Variants in CDK19 observed in about 807,000 individuals in gnomAD.
The protein encoded by CDK19 is cyclin-dependent kinase 19.
In CDK19, 20 loss-of-function variants were observed where a neutral mutation model predicts 68.3. The observed-to-expected ratio is 0.29, with a 90% confidence interval of 0.21 to 0.43. The LOEUF (loss-of-function observed/expected upper bound fraction) is 0.43, where lower values mean the gene tolerates loss of function less well. Ranked by LOEUF, CDK19 falls within the 20% of genes least tolerant of loss-of-function variation. The probability of loss-of-function intolerance (pLI) is 1.00; values close to 1 mark genes in which losing one functional copy is unlikely to be tolerated. For missense variants in CDK19, 339 were observed against 623.5 expected (o/e 0.54, Z 4.86); for synonymous variants, 221 against 222.8 (o/e 0.99, Z 0.07).
intron 1 of CDK19, among the ~76,000 whole-genome samples, chr6:110,757,571 T>A (rs1463337667): frequency 6.6e-6 from 1 of 152,216 alleles, no homozygotes; most frequent in Non-Finnish European, 1.5e-5. Flanking sequence ...TTTTATTTTT[T>A]AATTTTTATT....
chr6:110,758,317 G>A (rs1778969688), intron 1 of CDK19, among the ~76,000 whole-genome samples: 1 of 152,190 alleles, frequency 6.6e-6, no homozygotes, highest in African/African-American at 2.4e-5. Flanking sequence ...TAGAAGCAAG[G>A]TCAAATAGGA....
chr6:110,804,638 A>G (rs918719326), intron 1 of CDK19, among the ~76,000 whole-genome samples: 4 of 144,558 alleles, frequency 2.8e-5, no homozygotes, highest in Non-Finnish European at 4.5e-5. Flanking sequence ...GAGCCACCAC[A>G]CCCCGCCAAG....
rs919571351 is a variant in CDK19, at chr6:110,610,886, T to G, written c.*3649A>C. The G allele has an allele frequency of 4.6e-5, 7 of 152,164 alleles. No individual in the cohort carries two copies. The highest frequency in any genetic ancestry group is 1.7e-4 in the African/African-American group (7 of 41,438). 9.4% of individuals were successfully genotyped at this position (152,164 alleles called of 1,614,324 possible). ...TTTACCTTTAGCAGAGAAAACAGCATCATTTTAGAGGCATAGAGAACAAGT... is the reference window on the plus strand; with the variant it reads ...TTTACCTTTAGCAGAGAAAACAGCAGCATTTTAGAGGCATAGAGAACAAGT... On this transcript the variant is annotated 3_prime_UTR_variant, in exon 13 of 13. Transcript: ENST00000368911.
In CDK19 at chr6:110,614,337, G is replaced by T; in HGVS notation, c.*198C>A. On this transcript the variant is annotated 3_prime_UTR_variant, in exon 13 of 13. Coordinates refer to ENST00000368911, the MANE Select transcript of CDK19 (RefSeq NM_015076.5). ...ACACATGCAGGGAAGGGGTGCTGGG[G>T]AAACTTCACAAGAATCTTCTTTAAG... 2.2e-6 allele frequency: 1 copy of T among 452,918 alleles called. No individual in the cohort carries two copies. The highest frequency in any genetic ancestry group is 3.1e-5 in the East Asian group (1 of 32,300). 28.1% of individuals were successfully genotyped at this position (452,918 alleles called of 1,614,324 possible).
At chr6:110,775,061 C>T (rs1368043294) in intron 1 of CDK19, among the ~76,000 whole-genome samples, 1 of 152,098 alleles carries the variant, frequency 6.6e-6, no homozygotes, top group Non-Finnish European at 1.5e-5. Context: ...TCCTGGCCAA[C>T]ATGGTGAAAC....
chr6:110,719,327 T>A (rs113391015), intron 2 of CDK19, among the ~76,000 whole-genome samples: 5 of 152,190 alleles, frequency 3.3e-5, no homozygotes, highest in African/African-American at 1.2e-4. Flanking sequence ...CTACAAAAAA[T>A]TTTAAAAACA....
intron 2 of CDK19, among the ~76,000 whole-genome samples, chr6:110,671,028 A>G (rs1770964871): frequency 6.6e-6 from 1 of 152,190 alleles, no homozygotes; most frequent in Non-Finnish European, 1.5e-5. Context: ...AAGGAAAGAT[A>G]TTTAACAATC....
intron 1 of CDK19, among the ~76,000 whole-genome samples, chr6:110,757,402 G>C (rs1778909890): frequency 1.3e-5 from 2 of 152,256 alleles, no homozygotes; most frequent in Middle Eastern, 3.4e-3. Context: ...TAACCTAGAT[G>C]AAAAGAGACT....
At chr6:110,795,674 A>G (rs1481794463) in intron 1 of CDK19, among the ~76,000 whole-genome samples, 2 of 152,224 alleles carry the variant, frequency 1.3e-5, no homozygotes, top group African/African-American at 4.8e-5. Flanking sequence ...TATTTTAAGG[A>G]AAGAATTAGA....
intron 1 of CDK19, among the ~76,000 whole-genome samples, chr6:110,772,906 AAGAG>A (rs1431689897): frequency 7.9e-5 from 12 of 151,318 alleles, no homozygotes; most frequent in African/African-American, 2.7e-4. Context: ...AAAAAAAAAA[AAGAG>A]AGACTCATTA....
chr6:110,743,142 C>T (rs1490602282), intron 2 of CDK19, among the ~76,000 whole-genome samples: 1 of 152,018 alleles, frequency 6.6e-6, no homozygotes, highest in African/African-American at 2.4e-5. Context: ...GCTGGTTCCC[C>T]CAATAAAACA....
At chr6:110,791,117 G>A (rs1781563886) in intron 1 of CDK19, among the ~76,000 whole-genome samples, 1 of 151,540 alleles carries the variant, frequency 6.6e-6, no homozygotes, top group Non-Finnish European at 1.5e-5. Flanking sequence ...GTTGCAGTGA[G>A]CCAAGATCGC....
chr6:110,692,552 G>A (rs899349253), intron 2 of CDK19, among the ~76,000 whole-genome samples: 1 of 152,158 alleles, frequency 6.6e-6, no homozygotes, highest in African/African-American at 2.4e-5. Context: ...TAAAAAGTTT[G>A]GAAAACTTAC....
At chr6:110,726,177 T>C (rs959500053) in intron 2 of CDK19, among the ~76,000 whole-genome samples, 10 of 152,210 alleles carry the variant, frequency 6.6e-5, no homozygotes, top group Admixed American at 4.6e-4. Flanking sequence ...GCAACTGTTA[T>C]AATCATGTTA....
chr6:110,782,596 T>C (rs1444291628), intron 1 of CDK19, among the ~76,000 whole-genome samples: 2 of 152,236 alleles, frequency 1.3e-5, no homozygotes, highest in East Asian at 3.8e-4. Flanking sequence ...CTCTAGTGAA[T>C]GGGATTACAG....
At chr6:110,743,483 A>G (rs1777836439) in intron 2 of CDK19, among the ~76,000 whole-genome samples, 1 of 152,210 alleles carries the variant, frequency 6.6e-6, no homozygotes, top group East Asian at 1.9e-4. Flanking sequence ...CTCTACTAAA[A>G]TACAAAAAAT....
intron 2 of CDK19, among the ~76,000 whole-genome samples, chr6:110,742,392 T>G (rs1260903632): frequency 6.6e-6 from 1 of 152,186 alleles, no homozygotes; most frequent in Non-Finnish European, 1.5e-5. Flanking sequence ...ATTGTACAAA[T>G]AGATTGTAAA....
chr6:110,760,759 C>T (rs765787788), intron 1 of CDK19, among the ~76,000 whole-genome samples: 7 of 152,122 alleles, frequency 4.6e-5, no homozygotes, highest in East Asian at 1.9e-4. Context: ...ATCCCTACAA[C>T]GTGCTATGAA....
intron 2 of CDK19, among the ~76,000 whole-genome samples, chr6:110,691,956 A>AT (rs1554205267): frequency 2.7e-5 from 4 of 150,600 alleles, no homozygotes; most frequent in African/African-American, 9.8e-5. Flanking sequence ...CCCCATCTCT[A>AT]TTTTAAAAAA....
Sources: allele counts gnomAD v4.1 joint callset (sites outside exome capture counted in the v4.1 genomes callset), GRCh38; gene constraint gnomAD v4.1.1; transcripts MANE v1.5; gene names NCBI Gene and HGNC (gene_info 2026-07-23, HGNC 2026-07-21).